STAG3: variants seen among roughly 807,000 people sequenced by gnomAD.
STAG3 encodes STAG3 cohesin complex component.
In STAG3, 101 loss-of-function variants were observed where a neutral mutation model predicts 160.7. The ratio of observed to expected loss-of-function variants is 0.63; its 90% CI spans 0.54 to 0.74. The LOEUF (loss-of-function observed/expected upper bound fraction) is 0.74, where lower values mean the gene tolerates loss of function less well. STAG3 is among the 30% of genes least tolerant of loss of function. The pLI, the probability that STAG3 is intolerant of heterozygous loss-of-function variation, is 0.00. For synonymous variants in STAG3, 519 were observed against 585.0 expected (o/e 0.89, Z 1.63); for missense variants, 1,188 against 1,517.4 (o/e 0.78, Z 3.61).
intron 8 of STAG3, 59 bp from the exon 9 acceptor site, chr7:100,195,250 C>A: frequency 6.8e-7 from 1 of 1,480,186 alleles, no homozygotes; most frequent in Non-Finnish European, 9.4e-7. Context: ...TCTGTATCTT[C>A]AGGGCCTTAT....
At chr7:100,201,713 T>C in intron 21 of STAG3, 73 bp from the exon 22 acceptor site, 1 of 1,267,254 alleles carries the variant, frequency 7.9e-7, no homozygotes, top group South Asian at 1.2e-5. Context: ...TCCTCTTCAC[T>C]GGTGTGTTTC....
rs374856074 is a variant in STAG3 at position 100,211,457 on chromosome 7, G to A, written c.3436G>A (p.Glu1146Lys). Residue 1146 changes from glutamate (E) to lysine (K), a missense_variant, in exon 31 of 34, where the codon GAG becomes AAG. Coordinates refer to ENST00000615138, the MANE Select transcript of STAG3 (RefSeq NM_001282717.2). ...AQGSQPVAGT[E>K]RSRFLGPQYF... ...CAGCAGTCAGCCCGTCGCAGGCACC[G>A]AGAGGTCAAGGTTCTTGGGTCCACA... is the stretch of plus-strand genomic sequence containing the variant. 2.4e-5 allele frequency: 39 copies of A among 1,613,702 alleles called. No individual in the cohort carries two copies. Among genetic ancestry groups the A allele is most frequent in the African/African-American group, 1.2e-4 (9 of 74,786 alleles).
chr7:100,184,709 G>T (rs957550085), intron 4 of STAG3, among the ~76,000 whole-genome samples: 7 of 152,078 alleles, frequency 4.6e-5, no homozygotes, highest in Middle Eastern at 3.4e-3. Flanking sequence ...CTCGTGATCC[G>T]CCGGCCTCGG....
intron 2 of STAG3, chr7:100,180,949 G>A (rs1490259728): frequency 4.2e-5 from 11 of 264,810 alleles, no homozygotes; most frequent in Non-Finnish European, 7.3e-5. Flanking sequence ...GCGCGATCTC[G>A]GCTTACTGCA....
chr7:100,211,455 C>T lies in STAG3; in HGVS notation c.3434C>T (p.Thr1145Ile). The T allele has an allele frequency of 6.2e-7, 1 of 1,614,050 alleles. No homozygotes were observed. The highest frequency in any genetic ancestry group is 8.5e-7 in the Non-Finnish European group (1 of 1,180,000). ...FAQGSQPVAG[T>I]ERSRFLGPQY... ...CCCAGCAGTCAGCCCGTCGCAGGCA[C>T]CGAGAGGTCAAGGTTCTTGGGTCCA... The change falls in exon 31 of 34, where the codon ACC (threonine) becomes ATC (isoleucine). Residue 1145 changes from threonine (T) to isoleucine (I), a missense_variant. Physicochemically the swap from Thr to Ile is moderately conservative, Grantham distance 89 (BLOSUM62 -1). Transcript: ENST00000615138.
chr7:100,201,410 G>A (rs902340668), intron 21 of STAG3, 59 bp downstream of exon 21: 34 of 1,470,390 alleles, frequency 2.3e-5, no homozygotes, highest in African/African-American at 8.3e-5. Flanking sequence ...AAGGACCTAC[G>A]TTCTAGGTGG....
intron 1 of STAG3, 111 bp from the exon 2 acceptor site, chr7:100,180,382 C>T: frequency 1.7e-6 from 1 of 576,046 alleles, no homozygotes; most frequent in Admixed American, 3.0e-5. Flanking sequence ...TTTGGTCCCC[C>T]TCACCTGACC....
At chr7:100,199,063 G>T in intron 14 of STAG3, 106 bp downstream of exon 14, 1 of 1,107,622 alleles carries the variant, frequency 9.0e-7, no homozygotes, top group Admixed American at 1.9e-5. Context: ...GCTGAGGTGG[G>T]AGGATCCTTT....
chr7:100,198,322 C>G (rs1800829058), intron 12 of STAG3, among the ~76,000 whole-genome samples, 153 bp from the exon 13 acceptor site: 1 of 152,214 alleles, frequency 6.6e-6, no homozygotes, highest in African/African-American at 2.4e-5. Flanking sequence ...TCTGTCTTCT[C>G]TAACTCCCCA....
intron 8 of STAG3, among the ~76,000 whole-genome samples, chr7:100,190,394 C>A (rs1800281150): frequency 6.6e-6 from 1 of 152,220 alleles, no homozygotes; most frequent in Non-Finnish European, 1.5e-5. Context: ...CTAGCCCTCA[C>A]AAAAGATCTC....
chr7:100,177,867 G>A (rs1799367286), upstream of STAG3: 3 of 152,432 alleles, frequency 2.0e-5, no homozygotes, highest in Admixed American at 6.5e-5. Context: ...ACTGGCCCTG[G>A]GCGAGCCGTT....
downstream of STAG3, among the ~76,000 whole-genome samples, chr7:100,216,365 CAT>C (rs1491073571): frequency 4.0e-5 from 6 of 151,836 alleles, no homozygotes; most frequent in Admixed American, 3.9e-4. Flanking sequence ...TAAAATGTAA[CAT>C]GAGTTGACGA....
In STAG3 at chr7:100,201,776, G is replaced by A. The variant is rs1216426137; in HGVS notation, c.2221-10G>A. On this transcript the variant is annotated splice_polypyrimidine_tract_variant and intron_variant, in intron 21 of 33. Transcript: ENST00000615138. ...CCAAACCTCATTTTTCAAACCCTTT[G>A]TTGTTACAGGTTATCCTGCCAGCCT... The A allele has an allele frequency of 1.9e-6, 3 of 1,613,824 alleles. No homozygotes were observed. The highest frequency in any genetic ancestry group is 1.1e-5 in the South Asian group (1 of 91,074).
At chr7:100,218,118 C>CACT (rs1184584952), downstream of STAG3, 2 of 149,888 alleles carry the variant, frequency 1.3e-5, no homozygotes, top group African/African-American at 4.9e-5. Context: ...CCTTCCCAGG[C>CACT]ACTGGCATTA....
rs753571220 is a variant in STAG3, at chr7:100,201,954, G to A, written c.2307G>A (p.Gln769=). The A allele has an allele frequency of 7.4e-6, 12 of 1,614,054 alleles. No homozygotes were observed. The highest frequency in any genetic ancestry group is 9.3e-6 in the Non-Finnish European group (11 of 1,180,040). ...TCAAGCCACTGTGCCCACAGAAGCAGCTGTCGAGTTTGAGGGACAGAATGG... is the reference window on the plus strand; with the variant it reads ...TCAAGCCACTGTGCCCACAGAAGCAACTGTCGAGTTTGAGGGACAGAATGG... The part of the protein sequence containing the change: ...HISKSDASQK[Q]LSSLRDRMVA... Residue 769 remains glutamine (Q), a synonymous_variant, in exon 23 of 34, where the codon CAG becomes CAA. Transcript: ENST00000615138.
chr7:100,200,605 A>G, intron 18 of STAG3, 63 bp downstream of exon 18: 1 of 1,574,988 alleles, frequency 6.3e-7, no homozygotes, highest in Non-Finnish European at 8.7e-7. Context: ...TTCTATTGCC[A>G]GTATCTTTTT....
intron 4 of STAG3, among the ~76,000 whole-genome samples, chr7:100,184,463 G>GT (rs1554403741): frequency 0.033 from 3,217 of 98,560 alleles, 133 homozygotes; most frequent in Non-Finnish European, 0.039. Context: ...CAGCGTGTTA[G>GT]TTTTTTTTTT....
At chr7:100,192,144 G>A (rs775657474) in intron 8 of STAG3, among the ~76,000 whole-genome samples, 5 of 152,150 alleles carry the variant, frequency 3.3e-5, no homozygotes, top group East Asian at 1.9e-4. Flanking sequence ...AAAGTCATCC[G>A]TGAGGGTTAG....
Position 100,201,851 on chromosome 7 carries a change from A to G in STAG3, c.2286A>G (p.Lys762=), listed in dbSNP as rs1248558304. 3 of 1,614,032 alleles carry G rather than the reference A, an allele frequency of 1.9e-6. No individual in the cohort carries two copies. The African/African-American group carries it at 4.0e-5, about 22-fold the overall frequency. ...TCTGGACACTAACCCACATTTCTAA[A>G]TCAGATGCTTCCCAGGTGAGTGTGG... is the stretch of plus-strand genomic sequence containing the variant. The part of the protein sequence containing the change: ...SILWTLTHIS[K]SDASQKQLSS... The change falls in exon 22 of 34, where the codon AAA becomes AAG. Residue 762 remains lysine (K), a synonymous_variant. Transcript: ENST00000615138.
Sources: allele counts gnomAD v4.1 joint callset (sites outside exome capture counted in the v4.1 genomes callset), GRCh38; gene constraint gnomAD v4.1.1; transcripts MANE v1.5; gene names NCBI Gene and HGNC (gene_info 2026-07-23, HGNC 2026-07-21).